ENTREP1: variants seen among roughly 807,000 people sequenced by gnomAD.
ENTREP1 encodes Friedreich ataxia region gene X123.
At chr9:69,354,254 A>ATTTTTT in the ENTREP1 span, among the ~76,000 whole-genome samples, 738 of 105,592 alleles carry the variant, frequency 7.0e-3, 16 homozygotes, top group Non-Finnish European at 7.9e-3. Context: ...CTATTGCAAC[A>ATTTTTT]TTTTTTTTTT....
the ENTREP1 span, chr9:69,384,124 G>T: frequency 1.2e-6 from 1 of 800,590 alleles, no homozygotes; most frequent in East Asian, 2.6e-5. Flanking sequence ...TTGGGAGGCC[G>T]AGGTGGGAGG....
chr9:69,359,346 G>C, the ENTREP1 span, among the ~76,000 whole-genome samples: 1 of 152,156 alleles, frequency 6.6e-6, no homozygotes, highest in East Asian at 1.9e-4. Context: ...GATATGGTTA[G>C]GCTTTGTGTC....
At chr9:69,330,524 G>A in the ENTREP1 span, among the ~76,000 whole-genome samples, 2 of 152,090 alleles carry the variant, frequency 1.3e-5, no homozygotes, top group African/African-American at 4.8e-5. Context: ...GAACTTTAGG[G>A]TGAACCTTTG....
At chr9:69,356,817 C>T in the ENTREP1 span, among the ~76,000 whole-genome samples, 4 of 152,156 alleles carry the variant, frequency 2.6e-5, no homozygotes, top group African/African-American at 9.7e-5. Context: ...TCTCTTGTGA[C>T]TCTGTCCTGG....
At chr9:69,383,746 T>G in the ENTREP1 span, 1 of 1,614,006 alleles carries the variant, frequency 6.2e-7, no homozygotes, top group Non-Finnish European at 8.5e-7. Context: ...GTGAGCCAGA[T>G]GGACCAGGAG....
At chr9:69,351,388 T>TTGATGATGATGATGATGA in the ENTREP1 span, among the ~76,000 whole-genome samples, 155 of 151,454 alleles carry the variant, frequency 1.0e-3, no homozygotes, top group African/African-American at 2.2e-3. Context: ...TCTTATTTCC[T>TTGATGATGATGATGATGA]TGATGATGAT....
chr9:69,332,093 A>G, the ENTREP1 span, among the ~76,000 whole-genome samples: 1 of 152,006 alleles, frequency 6.6e-6, no homozygotes, highest in African/African-American at 2.4e-5. Context: ...TTTATCCCCA[A>G]CTGTAGCACC....
At chr9:69,331,259 T>A in the ENTREP1 span, among the ~76,000 whole-genome samples, 1 of 152,256 alleles carries the variant, frequency 6.6e-6, no homozygotes, top group African/African-American at 2.4e-5. Context: ...TTTTGATAAA[T>A]GATTCAGAAC....
At chr9:69,378,728 C>T in the ENTREP1 span, among the ~76,000 whole-genome samples, 1 of 150,824 alleles carries the variant, frequency 6.6e-6, no homozygotes, top group African/African-American at 2.5e-5. Flanking sequence ...CACTGCACTC[C>T]AGCCTGGGTG....
the ENTREP1 span, among the ~76,000 whole-genome samples, chr9:69,333,753 A>AG: frequency 6.6e-6 from 1 of 152,216 alleles, no homozygotes. Context: ...GTTTTCCTTA[A>AG]GGGCAGTTGA....
the ENTREP1 span, among the ~76,000 whole-genome samples, chr9:69,357,689 A>G: frequency 6.6e-6 from 1 of 152,150 alleles, no homozygotes; most frequent in African/African-American, 2.4e-5. Context: ...CTCCTGAAAT[A>G]GGTTGAGAGT....
At chr9:69,348,106 G>C in the ENTREP1 span, among the ~76,000 whole-genome samples, 1 of 151,868 alleles carries the variant, frequency 6.6e-6, no homozygotes, top group Non-Finnish European at 1.5e-5. Context: ...AGATCATCTA[G>C]CTGCTGCTTC....
chr9:69,353,292 A>G, the ENTREP1 span, among the ~76,000 whole-genome samples: 17 of 152,316 alleles, frequency 1.1e-4, no homozygotes, highest in African/African-American at 1.9e-4. Context: ...AGTCTCTTCA[A>G]TCTTTTTTCA....
At chr9:69,337,887 A>T in the ENTREP1 span, among the ~76,000 whole-genome samples, 2 of 152,216 alleles carry the variant, frequency 1.3e-5, no homozygotes, top group South Asian at 2.1e-4. Context: ...TATGCTTAAT[A>T]GTTCATCTGA....
chr9:69,325,456 G>T, the ENTREP1 span: 19 of 941,958 alleles, frequency 2.0e-5, no homozygotes, highest in African/African-American at 3.0e-4. Flanking sequence ...CCCGGGGCGC[G>T]CTGCAGCCCC....
At chr9:69,367,754 T>A in the ENTREP1 span, among the ~76,000 whole-genome samples, 9 of 126,998 alleles carry the variant, frequency 7.1e-5, no homozygotes, top group Non-Finnish European at 8.3e-5. Flanking sequence ...CATATATAAA[T>A]ATATATATAC....
the ENTREP1 span, among the ~76,000 whole-genome samples, chr9:69,372,410 G>A: frequency 2.0e-5 from 3 of 152,058 alleles, no homozygotes; most frequent in African/African-American, 7.2e-5. Context: ...AGTATCCTAG[G>A]TACCTCATAC....
At chr9:69,350,568 C>A in the ENTREP1 span, among the ~76,000 whole-genome samples, 6 of 152,046 alleles carry the variant, frequency 3.9e-5, no homozygotes, top group Non-Finnish European at 8.8e-5. Flanking sequence ...TAAATTAAAT[C>A]CATTTTTTCT....
the ENTREP1 span, among the ~76,000 whole-genome samples, chr9:69,373,714 A>G: frequency 3.3e-5 from 5 of 152,170 alleles, no homozygotes; most frequent in Non-Finnish European, 2.9e-5. Context: ...GTAGGTTCCC[A>G]GGACAAGGAA....
Sources: allele counts gnomAD v4.1 joint callset (sites outside exome capture counted in the v4.1 genomes callset), GRCh38; gene constraint gnomAD v4.1.1; transcripts MANE v1.5; gene names NCBI Gene and HGNC (gene_info 2026-07-23, HGNC 2026-07-21).